RFX4: variants seen among roughly 807,000 people sequenced by gnomAD.
RFX4 encodes the protein regulatory factor X4.
A neutral mutation model predicts 95.0 loss-of-function variants in RFX4; 10 were observed. The ratio of observed to expected loss-of-function variants is 0.11; its 90% CI spans 0.06 to 0.18. RFX4 has a LOEUF of 0.18. Among genes scored for constraint, RFX4 ranks in the 10% least tolerant of loss-of-function variants. The pLI, the probability that RFX4 is intolerant of heterozygous loss-of-function variation, is 1.00. For missense variants in RFX4, 640 were observed against 922.0 expected (o/e 0.69, Z 3.96); for synonymous variants, 321 against 340.7 (o/e 0.94, Z 0.64).
chr12:106,655,396 T>C (rs1224082405), intron 4 of RFX4, among the ~76,000 whole-genome samples: 2 of 152,218 alleles, frequency 1.3e-5, no homozygotes, highest in Non-Finnish European at 2.9e-5. Context: ...TTTCTTTCAT[T>C]CATTTCTTCA....
chr12:106,737,261 CCTAT>C (rs1366336040), intron 15 of RFX4, among the ~76,000 whole-genome samples: 4 of 131,260 alleles, frequency 3.0e-5, no homozygotes, highest in African/African-American at 1.1e-4. Context: ...CATTTACTCA[CCTAT>C]CTATCCATTT....
chr12:106,735,820 A>G (rs1042333368), intron 15 of RFX4, among the ~76,000 whole-genome samples: 4 of 152,214 alleles, frequency 2.6e-5, no homozygotes, highest in African/African-American at 9.6e-5. Context: ...AGAAAAGTAC[A>G]GAGACAAGTG....
intron 3 of RFX4, among the ~76,000 whole-genome samples, chr12:106,653,004 G>A (rs1279401893): frequency 6.6e-6 from 1 of 152,146 alleles, no homozygotes; most frequent in East Asian, 1.9e-4. Context: ...ATAACTTTGG[G>A]TTGTTTCCTA....
Position 106,747,558 on chromosome 12 carries a change from C to G in RFX4, c.1755C>G (p.Val585=). 4 of 1,614,082 alleles carry G rather than the reference C, an allele frequency of 2.5e-6. No homozygotes were observed. The highest frequency in any genetic ancestry group is 3.4e-6 in the Non-Finnish European group (4 of 1,179,998). ...ACACTCATGTGCCTTCTTCCTCCGTCACACACAGGATACCAGTTTATCCCC... is the reference window on the plus strand; with the variant it reads ...ACACTCATGTGCCTTCTTCCTCCGTGACACACAGGATACCAGTTTATCCCC... ...MRNTHVPSSS[V]THRIPVYPHR... Residue 585 remains valine, a synonymous_variant, in exon 16 of 18, where the codon GTC becomes GTG. Coordinates refer to ENST00000392842, the MANE Select transcript of RFX4 (RefSeq NM_213594.3).
At chr12:106,654,635 G>A (rs927286558) in intron 4 of RFX4, among the ~76,000 whole-genome samples, 9 of 152,174 alleles carry the variant, frequency 5.9e-5, no homozygotes, top group Non-Finnish European at 1.2e-4. Flanking sequence ...ACTCACAAGT[G>A]TGTTACATGG....
chr12:106,743,084 CCAA>C (rs1162673727), intron 15 of RFX4, among the ~76,000 whole-genome samples: 1 of 152,062 alleles, frequency 6.6e-6, no homozygotes, highest in Non-Finnish European at 1.5e-5. Context: ...TGTAAGGTGA[CCAA>C]CAACTGCTCC....
intron 4 of RFX4, among the ~76,000 whole-genome samples, chr12:106,658,097 C>A (rs887494245): frequency 1.3e-5 from 2 of 152,120 alleles, no homozygotes; most frequent in African/African-American, 2.4e-5. Context: ...CAGAACAATG[C>A]CTGGCACAGA....
At chr12:106,595,131 A>G (rs2039600188) in intron 1 of RFX4, among the ~76,000 whole-genome samples, 1 of 152,174 alleles carries the variant, frequency 6.6e-6, no homozygotes, top group South Asian at 2.1e-4. Flanking sequence ...TATTGACTCT[A>G]TGGTATTATT....
chr12:106,684,393 C>T (rs192183187), intron 5 of RFX4, among the ~76,000 whole-genome samples: 7 of 152,186 alleles, frequency 4.6e-5, no homozygotes, highest in Admixed American at 1.3e-4. Flanking sequence ...GCACATGTAT[C>T]CCCTGCCTTT....
chr12:106,658,740 G>A (rs2041011607), intron 4 of RFX4, among the ~76,000 whole-genome samples: 1 of 152,306 alleles, frequency 6.6e-6, no homozygotes, highest in South Asian at 2.1e-4. Flanking sequence ...TCCTGTCATA[G>A]GTTTTGGGGG....
intron 11 of RFX4, among the ~76,000 whole-genome samples, chr12:106,718,513 C>G (rs546769807): frequency 6.6e-6 from 1 of 152,308 alleles, no homozygotes; most frequent in African/African-American, 2.4e-5. Flanking sequence ...GTACCAACCT[C>G]CATGGGTTGT....
chr12:106,707,134 G>T (rs4964189), intron 8 of RFX4, among the ~76,000 whole-genome samples: 21 of 151,896 alleles, frequency 1.4e-4, no homozygotes, highest in African/African-American at 5.1e-4. Context: ...GTGCTTGGAG[G>T]TTTATTATAC....
chr12:106,732,054 T>G, intron 13 of RFX4, 76 bp from the exon 14 acceptor site: 2 of 1,575,164 alleles, frequency 1.3e-6, no homozygotes, highest in Non-Finnish European at 1.7e-6. Context: ...CTGTGTAACT[T>G]GTGCAGTTGA....
intron 17 of RFX4, among the ~76,000 whole-genome samples, chr12:106,757,169 A>G (rs1370892827): frequency 6.6e-6 from 1 of 152,194 alleles, no homozygotes; most frequent in Non-Finnish European, 1.5e-5. Flanking sequence ...AACAGCTAAC[A>G]CTTTTTGAAA....
intron 4 of RFX4, among the ~76,000 whole-genome samples, chr12:106,677,743 A>G (rs1269556824): frequency 1.3e-5 from 2 of 152,274 alleles, no homozygotes; most frequent in East Asian, 3.9e-4. Flanking sequence ...TGGTGAGGCA[A>G]CAAGACTGGT....
At chr12:106,617,660 A>AT (rs1462992888) in intron 2 of RFX4, among the ~76,000 whole-genome samples, 2 of 152,156 alleles carry the variant, frequency 1.3e-5, no homozygotes, top group Non-Finnish European at 2.9e-5. Flanking sequence ...CATATAGTCT[A>AT]TTTTGGTTAA....
At position 106,711,309 on chromosome 12, in the gene RFX4, C is replaced by T. The variant is rs2042187648; in HGVS notation, c.935-144C>T. The T allele has an allele frequency of 4.4e-6, 3 of 682,678 alleles. No individual in the cohort carries two copies. The South Asian group carries it at 5.3e-5, about 12-fold the overall frequency. The allele number at this position is 682,678 out of a possible 1,614,324, so 42.3% of individuals were successfully genotyped here. A position where few individuals can be genotyped will look rare whatever the true frequency, so the allele number is the denominator to read the frequency against. On this transcript the variant is annotated intron_variant, in intron 9 of 17. Transcript: ENST00000392842. ...ACAAAGAATCAAGTGCAGGGTTTTG[C>T]CAGTGGGTACATAAAATGGGATTGG...
chr12:106,639,356 C>G lies in RFX4; in HGVS notation c.155C>G (p.Ala52Gly). 1 of 1,613,640 alleles carries G rather than the reference C, an allele frequency of 6.2e-7. No individual in the cohort carries two copies. The highest frequency in any genetic ancestry group is 8.5e-7 in the Non-Finnish European group (1 of 1,179,792). Residue 52 changes from alanine to glycine, a missense_variant, in exon 3 of 18, where the codon GCA (alanine) becomes GGA (glycine). By Grantham distance (60) the Ala-to-Gly change is moderately conservative. Coordinates refer to ENST00000392842, the MANE Select transcript of RFX4 (RefSeq NM_213594.3). ...DENEEKENNR[A>G]SKPHSTPATL... ...GATGAGGAAAAAGAAAATAATAGAG[C>G]ATCCAAGCCCCACTCCACTCCTGCT...
At chr12:106,632,101 G>C (rs567868343) in intron 2 of RFX4, among the ~76,000 whole-genome samples, 4 of 152,292 alleles carry the variant, frequency 2.6e-5, no homozygotes, top group South Asian at 2.1e-4. Context: ...GTGGAGCTGG[G>C]ATTTGAGCCT....
Sources: allele counts gnomAD v4.1 joint callset (sites outside exome capture counted in the v4.1 genomes callset), GRCh38; gene constraint gnomAD v4.1.1; transcripts MANE v1.5; gene names NCBI Gene and HGNC (gene_info 2026-07-23, HGNC 2026-07-21).